Variants in TSHZ2 observed in about 807,000 individuals in gnomAD.
The protein encoded by TSHZ2 is teashirt homolog 2.
TSHZ2 carries 21 observed loss-of-function variants against 74.4 expected under a neutral mutation model. That is an observed-to-expected ratio of 0.28 (90% CI 0.20 to 0.41). TSHZ2 has a LOEUF of 0.41. Among genes scored for constraint, TSHZ2 ranks in the 10% least tolerant of loss-of-function variants. TSHZ2 has a pLI of 1.00. For missense variants in TSHZ2, 1,244 were observed against 1,293.5 expected (o/e 0.96, Z 0.59); for synonymous variants, 540 against 515.3 (o/e 1.05, Z -0.65).
At chr20:53,155,758 G>A (rs1405453920) in intron 1 of TSHZ2, among the ~76,000 whole-genome samples, 1 of 152,062 alleles carries the variant, frequency 6.6e-6, no homozygotes, top group East Asian at 1.9e-4. Context: ...TTCAGGAGAT[G>A]GGTTACCTGG....
At chr20:53,155,600 T>C (rs528995194) in intron 1 of TSHZ2, among the ~76,000 whole-genome samples, 18 of 151,972 alleles carry the variant, frequency 1.2e-4, no homozygotes, top group Admixed American at 1.1e-3. Flanking sequence ...GACAGATCAC[T>C]GAAGATTGAG....
chr20:53,044,114 C>G (rs1045866382), intron 1 of TSHZ2, among the ~76,000 whole-genome samples: 1 of 152,156 alleles, frequency 6.6e-6, no homozygotes, highest in African/African-American at 2.4e-5. Flanking sequence ...GTTTGAAATG[C>G]TTAGGAACAG....
intron 1 of TSHZ2, among the ~76,000 whole-genome samples, chr20:53,015,139 G>GC (rs1982988441): frequency 6.6e-6 from 1 of 152,082 alleles, no homozygotes; most frequent in Admixed American, 6.6e-5. Context: ...CCATGGCCTG[G>GC]CTTCTCCTCA....
intron 1 of TSHZ2, among the ~76,000 whole-genome samples, chr20:53,160,669 C>T (rs1165173860): frequency 6.8e-6 from 1 of 146,552 alleles, no homozygotes; most frequent in Non-Finnish European, 1.5e-5. Context: ...CTCTTAAACC[C>T]GGGAGGTGGA....
chr20:52,985,499 C>G (rs1368258784), intron 1 of TSHZ2, among the ~76,000 whole-genome samples: 2 of 152,148 alleles, frequency 1.3e-5, no homozygotes, highest in Non-Finnish European at 2.9e-5. Context: ...AATAAAACCC[C>G]CTTCTGGGTA....
At chr20:53,350,321 G>A (rs982316020) in intron 2 of TSHZ2, among the ~76,000 whole-genome samples, 3 of 152,214 alleles carry the variant, frequency 2.0e-5, no homozygotes, top group South Asian at 2.1e-4. Flanking sequence ...GTGCAACTCT[G>A]TTGTGCCATT....
intron 1 of TSHZ2, among the ~76,000 whole-genome samples, chr20:53,122,773 C>T (rs1986847508): frequency 6.6e-6 from 1 of 152,180 alleles, no homozygotes; most frequent in Non-Finnish European, 1.5e-5. Flanking sequence ...TGTTGGCTTC[C>T]ATTCACTGTG....
intron 1 of TSHZ2, among the ~76,000 whole-genome samples, chr20:53,151,150 C>G (rs771775737): frequency 4.2e-4 from 64 of 152,294 alleles, no homozygotes; most frequent in South Asian, 1.0e-3. Context: ...TTTTCTATCA[C>G]TATTTTTCTC....
At chr20:53,486,471 G>C (rs2145863397) in intron 2 of TSHZ2, among the ~76,000 whole-genome samples, 1 of 152,236 alleles carries the variant, frequency 6.6e-6, no homozygotes, top group South Asian at 2.1e-4. Flanking sequence ...GAGAGGCTGA[G>C]GTGGGAGGAT....
At chr20:53,101,433 C>A (rs938708195) in intron 1 of TSHZ2, among the ~76,000 whole-genome samples, 1 of 152,154 alleles carries the variant, frequency 6.6e-6, no homozygotes, top group African/African-American at 2.4e-5. Context: ...ATTGTAGCAA[C>A]TTTTAATATC....
intron 2 of TSHZ2, among the ~76,000 whole-genome samples, chr20:53,442,624 G>A (rs6013685): frequency 0.04 from 6,136 of 152,124 alleles, 402 homozygotes; most frequent in African/African-American, 0.14. Context: ...ATCGCTCATC[G>A]CTCTGTGATC....
At chr20:53,262,498 C>G (rs1360717125) in intron 2 of TSHZ2, among the ~76,000 whole-genome samples, 2 of 152,208 alleles carry the variant, frequency 1.3e-5, no homozygotes, top group Non-Finnish European at 2.9e-5. Context: ...CAGATTAAAG[C>G]TATAAACTAT....
At chr20:53,331,398 G>A (rs1747795942) in intron 2 of TSHZ2, among the ~76,000 whole-genome samples, 1 of 152,108 alleles carries the variant, frequency 6.6e-6, no homozygotes, top group Non-Finnish European at 1.5e-5. Context: ...TCTTCTTCCG[G>A]GACCTGGTGG....
chr20:53,353,078 C>G (rs1308495205), intron 2 of TSHZ2, among the ~76,000 whole-genome samples: 1 of 152,012 alleles, frequency 6.6e-6, no homozygotes, highest in African/African-American at 2.4e-5. Flanking sequence ...TTATAAAGGA[C>G]TAGAAAACAG....
intron 1 of TSHZ2, among the ~76,000 whole-genome samples, chr20:53,167,095 G>A (rs560419843): frequency 6.6e-6 from 1 of 152,154 alleles, no homozygotes; most frequent in East Asian, 1.9e-4. Context: ...CAGGTACAAA[G>A]GTCCTGGGGT....
intron 2 of TSHZ2, among the ~76,000 whole-genome samples, chr20:53,462,373 A>G (rs1985406073): frequency 1.3e-5 from 2 of 152,256 alleles, no homozygotes. Flanking sequence ...GTGTCCAGGC[A>G]GTCACATTCA....
chr20:53,385,891 A>G (rs1353206278), intron 2 of TSHZ2, among the ~76,000 whole-genome samples: 1 of 152,232 alleles, frequency 6.6e-6, no homozygotes, highest in East Asian at 1.9e-4. Flanking sequence ...TGGCCCAGAC[A>G]AGCCTGGAGA....
intron 1 of TSHZ2, among the ~76,000 whole-genome samples, chr20:53,093,471 G>T (rs1985947463): frequency 6.6e-6 from 1 of 152,196 alleles, no homozygotes; most frequent in African/African-American, 2.4e-5. Context: ...TTCCAACATG[G>T]TGGTGCTGCT....
At chr20:53,235,116 G>A (rs1208711973) in intron 1 of TSHZ2, among the ~76,000 whole-genome samples, 1 of 120,368 alleles carries the variant, frequency 8.3e-6, no homozygotes, top group Non-Finnish European at 1.7e-5. Context: ...GGGTCTCTGA[G>A]CTTGGTTTTG....
Sources: allele counts gnomAD v4.1 joint callset (sites outside exome capture counted in the v4.1 genomes callset), GRCh38; gene constraint gnomAD v4.1.1; transcripts MANE v1.5; gene names NCBI Gene and HGNC (gene_info 2026-07-23, HGNC 2026-07-21).